The following DIAPH3 variants were observed in gnomAD, a reference collection of about 807,000 sequenced individuals.
DIAPH3 encodes the protein diaphanous related formin 3, also known as protein diaphanous homolog 3.
Under a neutral mutation model 144.3 loss-of-function variants are expected in DIAPH3, and 117 were observed. The observed-to-expected ratio is 0.81, with a 90% CI of 0.70 to 0.95. The LOEUF is 0.95. Among genes scored for constraint, DIAPH3 ranks in the 40% least tolerant of loss-of-function variants. The pLI, the probability that DIAPH3 is intolerant of heterozygous loss-of-function variation, is 0.00. For missense variants in DIAPH3, 1,421 were observed against 1,412.7 expected, an observed-to-expected ratio of 1.01 and a Z score of -0.09; for synonymous variants, 519 against 488.9, an observed-to-expected ratio of 1.06 and a Z score of -0.81.
At chr13:60,118,432 T>A (rs2058752313) in intron 2 of DIAPH3, among the ~76,000 whole-genome samples, 1 of 152,168 alleles carries the variant, frequency 6.6e-6, no homozygotes, top group African/African-American at 2.4e-5. Flanking sequence ...CATACTTCAT[T>A]AGAACCCAGA....
At chr13:59,796,576 G>A (rs2088394682) in intron 25 of DIAPH3, among the ~76,000 whole-genome samples, 1 of 152,214 alleles carries the variant, frequency 6.6e-6, no homozygotes, top group Non-Finnish European at 1.5e-5. Flanking sequence ...ATTCATAAAT[G>A]AAAAGAGTTG....
At chr13:59,895,234 T>C (rs1397117055) in intron 20 of DIAPH3, among the ~76,000 whole-genome samples, 3 of 152,154 alleles carry the variant, frequency 2.0e-5, no homozygotes, top group Admixed American at 6.5e-5. Context: ...GTAGTGGTGA[T>C]GCTGGTGGCA....
intron 17 of DIAPH3, among the ~76,000 whole-genome samples, chr13:59,942,719 GATGTATACAC>G (rs2048596172): frequency 6.6e-6 from 1 of 152,002 alleles, no homozygotes; most frequent in Non-Finnish European, 1.5e-5. Context: ...AAACAAAAAA[GATGTATACAC>G]ATGTATACAA....
rs911947975 is a variant in DIAPH3 at position 60,157,234 on chromosome 13, C to G, written c.180+6353G>C. ...TGCTGGGATTACAGGCATGCACCAC[C>G]GTACCCAACCCCTTCCTATATTCTT... On this transcript the variant is annotated intron_variant, in intron 1 of 27. Transcript: ENST00000400324. Among the ~76,000 whole-genome samples, 34 of 152,190 alleles carry G rather than the reference C, an allele frequency of 2.2e-4. 1 individual carries two copies. The highest frequency in any genetic ancestry group is 7.5e-4 in the African/African-American group (31 of 41,526).
chr13:59,944,724 T>A (rs891419144), intron 17 of DIAPH3, among the ~76,000 whole-genome samples: 5 of 150,770 alleles, frequency 3.3e-5, no homozygotes, highest in African/African-American at 1.2e-4. Flanking sequence ...TATTAATGCA[T>A]AGTTGAATTA....
chr13:60,163,642 T>G lies in DIAPH3; in HGVS notation c.125A>C (p.Gln42Pro), dbSNP rs768927314. The G allele has an allele frequency of 1.2e-6, 2 of 1,607,964 alleles. No individual in the cohort carries two copies. The highest frequency in any genetic ancestry group is 1.7e-6 in the Non-Finnish European group (2 of 1,175,818). ...ESKMPRRKGP[Q>P]HPPPPSGPEE... is the part of the protein sequence containing the mutation. ...GGGGCCACTGGGCGGCGGAGGGTGT[T>G]GGGGGCCCTTCCTGCGCGGCATCTT... The change falls in exon 1 of 28, where the codon CAA (glutamine) becomes CCA (proline). Residue 42 changes from glutamine to proline, a missense_variant. Gln to Pro is a moderately conservative substitution (Grantham distance 76). Transcript: ENST00000400324.
intron 25 of DIAPH3, among the ~76,000 whole-genome samples, chr13:59,796,993 T>C (rs1188337210): frequency 6.6e-6 from 1 of 152,190 alleles, no homozygotes; most frequent in Non-Finnish European, 1.5e-5. Context: ...TGGCCTGCTA[T>C]TACTTAGCTA....
rs915956860 is a variant in DIAPH3, at chr13:59,758,953, A to ATTTTTTT, written c.3319+15229_3319+15235dup. On this transcript the variant is annotated intron_variant, in intron 27 of 27. Coordinates refer to ENST00000400324, the MANE Select transcript of DIAPH3 (RefSeq NM_001042517.2). ...CACCACCAGAACTGGCTAATTTTGAATTTTTTTTTTTTTTTTTTTGTAGAA... is the reference window on the plus strand; with the variant it reads ...CACCACCAGAACTGGCTAATTTTGAATTTTTTTTTTTTTTTTTTTTTTTTTTGTAGAA... Among the ~76,000 whole-genome samples, 106 of 130,126 alleles carry ATTTTTTT rather than the reference A, an allele frequency of 8.1e-4. 2 individuals carry two copies. The East Asian group carries it at 0.011, about 13-fold the overall frequency. 85.4% of individuals were successfully genotyped at this position (130,126 alleles called of 152,430 possible).
chr13:59,869,652 C>T (rs2044137715), intron 21 of DIAPH3, among the ~76,000 whole-genome samples: 1 of 152,144 alleles, frequency 6.6e-6, no homozygotes, highest in South Asian at 2.1e-4. Context: ...TTAACTTCTG[C>T]TTTTAAGAAA....
At chr13:60,148,485 A>G (rs978362879) in intron 1 of DIAPH3, among the ~76,000 whole-genome samples, 1 of 152,244 alleles carries the variant, frequency 6.6e-6, no homozygotes, top group Admixed American at 6.5e-5. Flanking sequence ...AGGACACAAC[A>G]TTTCCATCAT....
In DIAPH3 at chr13:59,774,823, T is replaced by C. The variant is rs1419038274; in HGVS notation, c.3164A>G (p.Glu1055Gly). 6.2e-7 allele frequency: 1 copy of C among 1,613,488 alleles called. No individual in the cohort carries two copies. The highest frequency in any genetic ancestry group is 1.7e-5 in the Admixed American group (1 of 60,018). ...ATCCATCACTCCTGTCTCATCACCC[T>C]CTGTGAAAAGAGATGCAGGGAATTC... ...KKKRLLEMKTEGDETGVMDNL... is the reference protein window; with the variant it reads ...KKKRLLEMKTGGDETGVMDNL... Residue 1055 changes from glutamate to glycine, a missense_variant and splice_region_variant, in exon 26 of 28, where the codon GAG (glutamate) becomes GGG (glycine). By Grantham distance (98) the Glu-to-Gly change is moderately conservative. Coordinates refer to ENST00000400324, the MANE Select transcript of DIAPH3 (RefSeq NM_001042517.2).
At chr13:60,022,232 C>T (rs1429114287) in intron 5 of DIAPH3, among the ~76,000 whole-genome samples, 1 of 152,142 alleles carries the variant, frequency 6.6e-6, no homozygotes, top group Non-Finnish European at 1.5e-5. Context: ...GACCTGCATG[C>T]CTTTATTTCC....
rs1445598884 is a variant in DIAPH3 at position 60,025,281 on chromosome 13, C to G, written c.627-9136G>C. On this transcript the variant is annotated intron_variant, in intron 5 of 27. Transcript: ENST00000400324. ...CTGACTTCTTCACCTCCAAATCTGA[C>G]AAAAAGGCAGAAAGACAACCCAGCA... Among the ~76,000 whole-genome samples the G allele has an allele frequency of 2.7e-5, 4 of 149,092 alleles. No homozygotes were observed. The Admixed American group carries it at 2.7e-4, about 10-fold the overall frequency.
chr13:60,009,151 T>C (rs903218122), intron 8 of DIAPH3, among the ~76,000 whole-genome samples: 6 of 152,180 alleles, frequency 3.9e-5, no homozygotes, highest in African/African-American at 7.2e-5. Flanking sequence ...AGCTGAGTGA[T>C]AGTCGAAAAT....
chr13:59,782,845 C>T lies in DIAPH3; in HGVS notation c.3164-8022G>A, dbSNP rs527956308. ...GCCAGAGCTGTCAAAAGAGACAAGA[C>T]CCAGCTAAAGCTGTCAGGAAAGCTG... On this transcript the variant is annotated intron_variant, in intron 25 of 27. Transcript: ENST00000400324. Among the ~76,000 whole-genome samples the T allele has an allele frequency of 1.4e-3, 219 of 152,188 alleles. 1 individual carries two copies. Among genetic ancestry groups the T allele is most frequent in the Non-Finnish European group, 2.1e-3 (145 of 68,000 alleles).
chr13:60,014,951 T>G (rs921977431), intron 7 of DIAPH3, among the ~76,000 whole-genome samples: 1 of 148,582 alleles, frequency 6.7e-6, no homozygotes, highest in Non-Finnish European at 1.5e-5. Flanking sequence ...GCTTAAGAAT[T>G]CCTCTTTTTT....
At chr13:60,128,583 T>C (rs1235923809) in intron 2 of DIAPH3, among the ~76,000 whole-genome samples, 1 of 152,170 alleles carries the variant, frequency 6.6e-6, no homozygotes, top group East Asian at 1.9e-4. Context: ...TAACACAAAG[T>C]CACACAGCTA....
chr13:59,666,663 G>A lies in DIAPH3; in HGVS notation c.3503C>T (p.Thr1168Met), dbSNP rs772731233. 8.7e-6 allele frequency: 14 copies of A among 1,614,074 alleles called. No homozygotes were observed. The highest frequency in any genetic ancestry group is 1.7e-5 in the Admixed American group (1 of 60,008). Residue 1168 changes from threonine (T) to methionine (M), a missense_variant, in exon 28 of 28, where the codon ACG (threonine) becomes ATG (methionine). Coordinates refer to ENST00000400324, the MANE Select transcript of DIAPH3 (RefSeq NM_001042517.2). ...CNVESNRKKE[T>M]ELLGSFSKNE... The stretch of plus-strand genomic sequence containing the variant: ...TTTAGAAAAAGAGCCAAGAAGTTCC[G>A]TTTCCTTTTTTCTGTTGCTTTCTAC...
chr13:59,936,541 A>ATCACACACAT (rs1166166721), intron 17 of DIAPH3, among the ~76,000 whole-genome samples: 8 of 152,196 alleles, frequency 5.3e-5, no homozygotes, highest in Non-Finnish European at 1.0e-4. Context: ...TAATCCTGAA[A>ATCACACACAT]AGTTAAGCCT....
Sources: allele counts gnomAD v4.1 joint callset (sites outside exome capture counted in the v4.1 genomes callset), GRCh38; gene constraint gnomAD v4.1.1; transcripts MANE v1.5; gene names NCBI Gene and HGNC (gene_info 2026-07-23, HGNC 2026-07-21).